Variants in MGST2 observed in about 807,000 individuals in gnomAD.
MGST2 encodes the protein microsomal glutathione S-transferase 2.
In MGST2, 9 loss-of-function variants were observed where a neutral mutation model predicts 16.6. That is an observed-to-expected ratio of 0.54 (90% CI 0.33 to 0.95). The LOEUF is 0.95. MGST2 is among the 40% of genes least tolerant of loss of function. The pLI is 0.03. For synonymous variants in MGST2, 79 were observed against 68.0 expected (o/e 1.16, Z -0.79); for missense variants, 159 against 175.1 (o/e 0.91, Z 0.52).
chr4:139,744,981 C>G (rs1055563119), downstream of MGST2, among the ~76,000 whole-genome samples: 4 of 152,188 alleles, frequency 2.6e-5, no homozygotes, highest in Non-Finnish European at 5.9e-5. Context: ...CTTCAGTATT[C>G]TCCTTTATGA....
chr4:139,670,243 TC>T (rs1241326138), intron 1 of MGST2, among the ~76,000 whole-genome samples: 21 of 85,538 alleles, frequency 2.5e-4, no homozygotes, highest in Admixed American at 8.2e-4. Context: ...TATTCTGATT[TC>T]CTTCGGTGGG....
chr4:139,727,832 C>T (rs1239206487), intron 5 of MGST2, among the ~76,000 whole-genome samples: 1 of 152,220 alleles, frequency 6.6e-6, no homozygotes, highest in Admixed American at 6.5e-5. Context: ...AACCCAAAAT[C>T]TGTTTCCAAA....
chr4:139,686,074 C>A lies in MGST2; in HGVS notation c.158+7432C>A, dbSNP rs77951633. 1.9e-4 allele frequency among the ~76,000 whole-genome samples: 29 copies of A among 152,322 alleles called. No individual in the cohort carries two copies. The East Asian group carries it at 5.6e-3, about 29-fold the overall frequency. On this transcript the variant is annotated intron_variant, in intron 2 of 4. Coordinates refer to ENST00000265498, the MANE Select transcript of MGST2 (RefSeq NM_002413.5). The stretch of plus-strand genomic sequence containing the variant: ...GTTTGGGGTGCAACTTGGCGTTATA[C>A]ATTTTAGGGAGATATGAAACTTCAA...
intron 5 of MGST2, among the ~76,000 whole-genome samples, chr4:139,714,583 C>A (rs1727869435): frequency 6.6e-6 from 1 of 152,204 alleles, no homozygotes; most frequent in Non-Finnish European, 1.5e-5. Flanking sequence ...TGCTTAGCAT[C>A]CAATATCAAA....
intron 5 of MGST2, among the ~76,000 whole-genome samples, chr4:139,716,600 G>A (rs973611868): frequency 3.4e-4 from 52 of 152,118 alleles, no homozygotes; most frequent in African/African-American, 1.0e-3. Flanking sequence ...GCAAAGGCTG[G>A]GAATGATTGA....
chr4:139,670,703 A>C (rs1466627691), intron 1 of MGST2, among the ~76,000 whole-genome samples: 1 of 152,162 alleles, frequency 6.6e-6, no homozygotes, highest in Non-Finnish European at 1.5e-5. Flanking sequence ...ACTTAAGCCC[A>C]GGAGTTCAAG....
At chr4:139,739,527 A>G (rs1283603742) in intron 5 of MGST2, among the ~76,000 whole-genome samples, 2 of 152,232 alleles carry the variant, frequency 1.3e-5, no homozygotes, top group Non-Finnish European at 2.9e-5. Context: ...AAAGTTCATT[A>G]GTGTACAACA....
At chr4:139,752,316 A>G in the MGST2 span, among the ~76,000 whole-genome samples, 1 of 152,192 alleles carries the variant, frequency 6.6e-6, no homozygotes, top group Non-Finnish European at 1.5e-5. Flanking sequence ...AGGATCAATG[A>G]GATATGGTAT....
intron 2 of MGST2, among the ~76,000 whole-genome samples, chr4:139,683,433 AG>A (rs1414812114): frequency 3.3e-5 from 5 of 152,040 alleles, no homozygotes; most frequent in Non-Finnish European, 7.4e-5. Context: ...AAGTATTAGG[AG>A]GTTCTGTCTT....
At chr4:139,730,992 A>G in intron 5 of MGST2, 1 of 334,810 alleles carries the variant, frequency 3.0e-6, no homozygotes, top group Non-Finnish European at 5.6e-6. Flanking sequence ...AAAGGGAATA[A>G]GCCCTCAGGC....
At chr4:139,670,817 G>A (rs929574243) in intron 1 of MGST2, among the ~76,000 whole-genome samples, 4 of 151,916 alleles carry the variant, frequency 2.6e-5, no homozygotes, top group South Asian at 4.1e-4. Flanking sequence ...GGGAGGCTGA[G>A]GTGTGAGAAT....
intron 3 of MGST2, among the ~76,000 whole-genome samples, chr4:139,695,646 A>T (rs1329459991): frequency 6.6e-6 from 1 of 152,190 alleles, no homozygotes; most frequent in Non-Finnish European, 1.5e-5. Flanking sequence ...AGGAGCAGAT[A>T]TGCAACTATA....
chr4:139,729,034 G>A (rs750146261), intron 5 of MGST2, among the ~76,000 whole-genome samples: 1 of 151,966 alleles, frequency 6.6e-6, no homozygotes, highest in Non-Finnish European at 1.5e-5. Context: ...GATTAGCATG[G>A]CTCCTTGTCG....
chr4:139,745,756 T>C, the MGST2 span, among the ~76,000 whole-genome samples: 2 of 152,238 alleles, frequency 1.3e-5, no homozygotes, highest in Admixed American at 6.5e-5. Context: ...TTTATTTAAA[T>C]GTGAATTTAG....
the MGST2 span, among the ~76,000 whole-genome samples, chr4:139,745,823 T>C: frequency 5.9e-5 from 9 of 152,340 alleles, no homozygotes; most frequent in African/African-American, 2.2e-4. Context: ...ACAGTAGGTA[T>C]ATACTGTGAA....
intron 2 of MGST2, among the ~76,000 whole-genome samples, chr4:139,694,046 A>G (rs1726772672): frequency 1.3e-5 from 2 of 152,026 alleles, no homozygotes; most frequent in African/African-American, 4.8e-5. Flanking sequence ...AAGATGATTG[A>G]GTTATTACTG....
the MGST2 span, among the ~76,000 whole-genome samples, chr4:139,752,201 C>T: frequency 1.4e-3 from 207 of 152,234 alleles, 1 homozygote; most frequent in Middle Eastern, 6.8e-3. Flanking sequence ...TTAAGGCTCA[C>T]GTTACGTACT....
intron 5 of MGST2, chr4:139,725,879 A>G: frequency 6.7e-7 from 1 of 1,501,510 alleles, no homozygotes; most frequent in Non-Finnish European, 9.3e-7. Context: ...TGAGATAGGG[A>G]GCAAGCACAC....
At chr4:139,719,394 C>T (rs1229815925) in intron 5 of MGST2, 1 of 1,613,890 alleles carries the variant, frequency 6.2e-7, no homozygotes, top group Non-Finnish European at 8.5e-7. Flanking sequence ...ATGATGGAGT[C>T]CACAAGGTCT....
Sources: gnomAD v4.1 joint callset for allele counts (sites outside exome capture counted in the v4.1 genomes callset) on GRCh38, gnomAD v4.1.1 for gene constraint, MANE v1.5 for transcripts, NCBI Gene and HGNC (gene_info 2026-07-23, HGNC 2026-07-21) for gene names.